The following KIFBP variants were observed in gnomAD, a reference collection of about 807,000 sequenced individuals.
The protein encoded by KIFBP is KIF-binding protein.
A neutral mutation model predicts 58.9 loss-of-function variants in KIFBP; 46 were observed. That is an observed-to-expected ratio of 0.78 (90% CI 0.62 to 1.00). The LOEUF (loss-of-function observed/expected upper bound fraction) is 1.00, where lower values mean the gene tolerates loss of function less well. Among genes scored for constraint, KIFBP ranks in the 50% least tolerant of loss-of-function variants. KIFBP has a pLI of 0.00. For synonymous variants in KIFBP, 241 were observed against 283.4 expected, an observed-to-expected ratio of 0.85 and a Z score of 1.50; for missense variants, 651 against 752.9, an observed-to-expected ratio of 0.86 and a Z score of 1.58.
intron 1 of KIFBP, among the ~76,000 whole-genome samples, chr10:68,999,254 C>A (rs1018874329): frequency 6.6e-6 from 1 of 151,112 alleles, no homozygotes; most frequent in African/African-American, 2.4e-5. Flanking sequence ...CACGCCACCA[C>A]TCCTGGCTAA....
intron 6 of KIFBP, 25 bp from the exon 7 acceptor site, chr10:69,015,516 C>T (rs758887227): frequency 2.5e-6 from 4 of 1,609,102 alleles, no homozygotes; most frequent in Non-Finnish European, 3.4e-6. Flanking sequence ...CCTACTTAAC[C>T]ATAATTTATT....
At chr10:69,010,844 C>T (rs1843582223) in intron 5 of KIFBP, 56 bp from the exon 6 acceptor site, 1 of 1,119,444 alleles carries the variant, frequency 8.9e-7, no homozygotes. Flanking sequence ...ATTACAGTAC[C>T]CAATGAAAAT....
At chr10:69,015,115 A>C (rs987141047) in intron 6 of KIFBP, among the ~76,000 whole-genome samples, 3 of 152,038 alleles carry the variant, frequency 2.0e-5, no homozygotes, top group African/African-American at 7.2e-5. Context: ...GTAGAGACAG[A>C]GTTTCACTAT....
In KIFBP at chr10:68,989,011, G is replaced by T. The variant is rs2132104384; in HGVS notation, c.179G>T (p.Arg60Leu). The T allele has an allele frequency of 6.2e-7, 1 of 1,614,156 alleles. No individual in the cohort carries two copies. Among genetic ancestry groups the T allele is most frequent in the Non-Finnish European group, 8.5e-7 (1 of 1,180,008 alleles). Reference protein sequence around the residue: ...LGPAPEDEDERPEAEDGPGAG... With the variant: ...LGPAPEDEDELPEAEDGPGAG... ...CCTGCGCCTGAGGACGAGGATGAGC[G>T]GCCTGAGGCCGAGGACGGCCCGGGT... Residue 60 changes from arginine (R) to leucine (L), a missense_variant, in exon 1 of 7, where the codon CGG (arginine) becomes CTG (leucine). Coordinates refer to ENST00000361983, the MANE Select transcript of KIFBP (RefSeq NM_015634.4).
intron 6 of KIFBP, among the ~76,000 whole-genome samples, chr10:69,011,872 G>C (rs781102363): frequency 4.6e-5 from 7 of 150,650 alleles, no homozygotes; most frequent in Non-Finnish European, 1.0e-4. Context: ...TGTCTTTTTA[G>C]TGTAGATGGG....
intron 6 of KIFBP, among the ~76,000 whole-genome samples, chr10:69,012,019 C>T (rs1249626055): frequency 1.3e-5 from 2 of 151,956 alleles, no homozygotes; most frequent in African/African-American, 4.8e-5. Flanking sequence ...ATATACTTCC[C>T]AGTGTTATCT....
chr10:69,008,391 A>AAATATATATATAT, intron 4 of KIFBP, among the ~76,000 whole-genome samples: 23 of 71,586 alleles, frequency 3.2e-4, no homozygotes, highest in East Asian at 7.4e-4. Flanking sequence ...AAAAAAAAAA[A>AAATATATATATAT]ATATATATAT....
intron 5 of KIFBP, among the ~76,000 whole-genome samples, chr10:69,009,730 C>T (rs1278211782): frequency 6.6e-6 from 1 of 152,128 alleles, no homozygotes; most frequent in Non-Finnish European, 1.5e-5. Flanking sequence ...TAGAAAATCA[C>T]AGTTAACATG....
chr10:69,004,084 G>T (rs1180548336), intron 2 of KIFBP, among the ~76,000 whole-genome samples: 1 of 151,940 alleles, frequency 6.6e-6, no homozygotes, highest in Non-Finnish European at 1.5e-5. Context: ...GCTGGGGGTG[G>T]TGGCACGTGT....
intron 2 of KIFBP, among the ~76,000 whole-genome samples, chr10:69,000,947 C>G (rs1044738017): frequency 6.6e-6 from 1 of 152,070 alleles, no homozygotes; most frequent in African/African-American, 2.4e-5. Flanking sequence ...ATCTGGAGAG[C>G]TCATGAAAGC....
At chr10:69,005,217 G>A (rs1283531509) in intron 3 of KIFBP, 92 bp downstream of exon 3, 3 of 960,136 alleles carry the variant, frequency 3.1e-6, no homozygotes, top group Non-Finnish European at 5.0e-6. Flanking sequence ...GTTATAGAAT[G>A]TGGATTCTGA....
At chr10:68,994,203 A>C (rs1188598615) in intron 1 of KIFBP, among the ~76,000 whole-genome samples, 1 of 152,062 alleles carries the variant, frequency 6.6e-6, no homozygotes, top group Non-Finnish European at 1.5e-5. Context: ...AAAAAAATTT[A>C]TAGAATGATC....
intron 1 of KIFBP, 171 bp downstream of exon 1, chr10:68,989,429 T>A: frequency 1.4e-6 from 1 of 708,156 alleles, no homozygotes. Context: ...GCCAGTCTTA[T>A]GGACTTATTG....
chr10:69,006,332 A>G (rs1345004611), intron 4 of KIFBP, among the ~76,000 whole-genome samples: 1 of 152,184 alleles, frequency 6.6e-6, no homozygotes, highest in Non-Finnish European at 1.5e-5. Context: ...AAAGCATGTG[A>G]TGCATTTCAG....
Position 69,016,110 on chromosome 10 carries a change from C to T in KIFBP, c.1560C>T (p.Phe520=), listed in dbSNP as rs778823661. ...NKSALKYYQL[F]LDSLRDPNKV... is the part of the protein sequence containing the mutation. ...CAGCACTGAAGTACTACCAGCTCTT[C>T]TTAGACTCCCTGAGAGACCCAAATA... Residue 520 remains phenylalanine (F), a synonymous_variant, in exon 7 of 7, where the codon TTC becomes TTT. Coordinates refer to ENST00000361983, the MANE Select transcript of KIFBP (RefSeq NM_015634.4). 2 of 1,614,168 alleles carry T rather than the reference C, an allele frequency of 1.2e-6. No individual in the cohort carries two copies. Among genetic ancestry groups the T allele is most frequent in the South Asian group, 2.2e-5 (2 of 91,080 alleles).
chr10:69,015,180 C>T (rs1589298747), intron 6 of KIFBP, among the ~76,000 whole-genome samples: 1 of 152,268 alleles, frequency 6.6e-6, no homozygotes, highest in East Asian at 1.9e-4. Context: ...CCTTGGCCTC[C>T]CAAAGTGCTG....
At position 68,989,243 on chromosome 10, in the gene KIFBP, CTG is replaced by C; in HGVS notation, c.412_413del (p.Cys138HisfsTer6). The C allele has an allele frequency of 6.2e-7, 1 of 1,613,368 alleles. No individual in the cohort carries two copies. The highest frequency in any genetic ancestry group is 8.5e-7 in the Non-Finnish European group (1 of 1,179,912). The part of the protein sequence containing the change: ...YRLSHDCISL[C>X]IQAQNNLGIL... The stretch of plus-strand genomic sequence containing the variant: ...GGCTCTCGCACGACTGCATCTCTCT[CTG>C]CATCCAGGCGCAGGTGAGAGCGAGC... On this transcript the variant is annotated frameshift_variant, in exon 1 of 7. Transcript: ENST00000361983. LOFTEE classifies it high-confidence loss of function.
At chr10:69,011,487 C>T (rs1843590913) in intron 6 of KIFBP, among the ~76,000 whole-genome samples, 1 of 150,894 alleles carries the variant, frequency 6.6e-6, no homozygotes. Flanking sequence ...TTGGTCTCCC[C>T]GGCTCATGCA....
chr10:68,990,160 C>A (rs1843324790), intron 1 of KIFBP, among the ~76,000 whole-genome samples: 1 of 152,110 alleles, frequency 6.6e-6, no homozygotes, highest in South Asian at 2.1e-4. Context: ...CCATTTTGGG[C>A]CAAACTGATC....
Sources: gnomAD v4.1 joint callset for allele counts (sites outside exome capture counted in the v4.1 genomes callset) on GRCh38, gnomAD v4.1.1 for gene constraint, MANE v1.5 for transcripts, NCBI Gene and HGNC (gene_info 2026-07-23, HGNC 2026-07-21) for gene names.